The following PRKN variants were observed in gnomAD, a reference collection of about 807,000 sequenced individuals.
PRKN encodes the protein E3 ubiquitin-protein ligase parkin.
A neutral mutation model predicts 59.5 loss-of-function variants in PRKN; 56 were observed. The ratio of observed to expected loss-of-function variants is 0.94; its 90% confidence interval spans 0.76 to 1.18. The LOEUF is 1.18. Ranked by LOEUF, PRKN falls within the 50% of genes most tolerant of loss-of-function variation. The probability of loss-of-function intolerance (pLI) is 0.00; values close to 1 mark genes in which losing one functional copy is unlikely to be tolerated. For synonymous variants in PRKN, 250 were observed against 222.1 expected (o/e 1.13, Z -1.12); for missense variants, 657 against 596.4 (o/e 1.10, Z -1.06).
At position 161,423,724 on chromosome 6, in the gene PRKN, C is replaced by T. The variant is rs1788206961; in HGVS notation, c.1084-36847G>A. On this transcript the variant is annotated intron_variant, in intron 9 of 11. Coordinates refer to ENST00000366898, the MANE Select transcript of PRKN (RefSeq NM_004562.3). The surrounding 1 kb of genome is among the most constrained non-coding windows in gnomAD (Gnocchi z 5.9). ...TGTCCCACCAGTCCCTTCCACTGCT[C>T]TTGTTCCTGGTCTCATAGGCTACAC... 6.6e-6 allele frequency among the ~76,000 whole-genome samples: 1 copy of T among 152,170 alleles called. No individual in the cohort carries two copies. Among genetic ancestry groups the T allele is most frequent in the South Asian group, 2.1e-4 (1 of 4,832 alleles).
intron 6 of PRKN, among the ~76,000 whole-genome samples, chr6:161,876,896 A>T (rs1794751591): frequency 6.6e-6 from 1 of 152,120 alleles, no homozygotes; most frequent in Admixed American, 6.5e-5. Flanking sequence ...TTCATATTCA[A>T]TTCAAAATGT....
chr6:161,349,072 G>C lies in PRKN; in HGVS notation c.*1027C>G. The C allele has an allele frequency of 4.5e-6, 1 of 220,662 alleles. No individual in the cohort carries two copies. The allele number at this position is 220,662 out of a possible 1,614,324, so 13.7% of individuals were successfully genotyped here. On this transcript the variant is annotated 3_prime_UTR_variant, in exon 12 of 12. Coordinates refer to ENST00000366898, the MANE Select transcript of PRKN (RefSeq NM_004562.3). This position sits in a 1 kb window ranked among gnomAD's most constrained non-coding sequence, Gnocchi z 5.5. ...AAGGGGTATAAACCCTTCTGATGGA[G>C]AGAGTCGGGCGTGTCTTCATTTTGG... is the stretch of plus-strand genomic sequence containing the variant.
chr6:162,691,906 CT>C (rs1777788072), intron 1 of PRKN, among the ~76,000 whole-genome samples: 1 of 151,968 alleles, frequency 6.6e-6, no homozygotes, highest in South Asian at 2.1e-4. Context: ...TTCAATGTTA[CT>C]CTTGTTAGAT....
intron 7 of PRKN, among the ~76,000 whole-genome samples, chr6:161,594,568 G>A (rs1781846126): frequency 6.6e-6 from 1 of 152,156 alleles, no homozygotes; most frequent in Non-Finnish European, 1.5e-5. Context: ...CAGTCAAACT[G>A]TCTGCTTTAG....
intron 7 of PRKN, among the ~76,000 whole-genome samples, chr6:161,638,488 C>G (rs1783612581): frequency 6.6e-6 from 1 of 152,060 alleles, no homozygotes; most frequent in South Asian, 2.1e-4. Context: ...ATTATTTATC[C>G]CTGATTTACA....
intron 3 of PRKN, among the ~76,000 whole-genome samples, chr6:162,249,642 A>T (rs1005983548): frequency 6.6e-6 from 1 of 152,110 alleles, no homozygotes; most frequent in Non-Finnish European, 1.5e-5. Flanking sequence ...GGCTTTTAAA[A>T]GTCAAATCTA....
At chr6:161,967,038 G>A (rs924867023) in intron 6 of PRKN, among the ~76,000 whole-genome samples, 3 of 152,088 alleles carry the variant, frequency 2.0e-5, no homozygotes, top group Non-Finnish European at 2.9e-5. Context: ...CACTATGTTG[G>A]CCAGGCTGGT....
At chr6:161,971,778 A>T (rs976511981) in intron 6 of PRKN, among the ~76,000 whole-genome samples, 2 of 152,224 alleles carry the variant, frequency 1.3e-5, no homozygotes, top group African/African-American at 4.8e-5. Context: ...GAGAATAGAA[A>T]TAGCCTGATA....
chr6:161,582,168 C>T lies in PRKN; in HGVS notation c.872-12752G>A, dbSNP rs1781363046. 6.6e-6 allele frequency among the ~76,000 whole-genome samples: 1 copy of T among 152,152 alleles called. No homozygotes were observed. On this transcript the variant is annotated intron_variant, in intron 7 of 11. Coordinates refer to ENST00000366898, the MANE Select transcript of PRKN (RefSeq NM_004562.3). This position sits in a 1 kb window ranked among gnomAD's most constrained non-coding sequence, Gnocchi z 4.4. ...TGGCTCTCTGGCTCACAGAAAGTAA[C>T]AGTTTTAAAGGAGATATTTTAAAAG...
At chr6:162,651,681 A>G (rs1462699927) in intron 1 of PRKN, among the ~76,000 whole-genome samples, 5 of 152,226 alleles carry the variant, frequency 3.3e-5, no homozygotes, top group Non-Finnish European at 5.9e-5. Context: ...GCCCATGGGA[A>G]GAAGGAAAAA....
chr6:161,379,895 C>T lies in PRKN; in HGVS notation c.1167+6899G>A, dbSNP rs1785892549. Among the ~76,000 whole-genome samples, 2 of 152,208 alleles carry T rather than the reference C, an allele frequency of 1.3e-5. No individual in the cohort carries two copies. Among genetic ancestry groups the T allele is most frequent in the Admixed American group, 1.3e-4 (2 of 15,274 alleles). ...TGGAAAACATGTACTATTACAATTC[C>T]CTACTAAGTGTTTTTCATATTACAG... On this transcript the variant is annotated intron_variant, in intron 10 of 11. Transcript: ENST00000366898. This position sits in a 1 kb window ranked among gnomAD's most constrained non-coding sequence, Gnocchi z 4.9.
chr6:162,179,226 T>C (rs1373213113), intron 4 of PRKN, among the ~76,000 whole-genome samples: 1 of 152,208 alleles, frequency 6.6e-6, no homozygotes, highest in Non-Finnish European at 1.5e-5. Context: ...TGCAGCTCTG[T>C]GGATACCACA....
At chr6:161,424,425 C>G (rs1279244561) in intron 9 of PRKN, among the ~76,000 whole-genome samples, 1 of 151,790 alleles carries the variant, frequency 6.6e-6, no homozygotes, top group Non-Finnish European at 1.5e-5. Context: ...TGGTTCATGG[C>G]TCCACAGAAG....
chr6:161,673,629 A>G (rs1397571999), intron 7 of PRKN, among the ~76,000 whole-genome samples: 1 of 152,108 alleles, frequency 6.6e-6, no homozygotes, highest in Admixed American at 6.6e-5. Context: ...CTGTTTGGAG[A>G]CCAGGCTGGA....
chr6:161,780,947 T>A (rs571334041), intron 7 of PRKN, among the ~76,000 whole-genome samples: 1 of 152,336 alleles, frequency 6.6e-6, no homozygotes, highest in African/African-American at 2.4e-5. Context: ...TTAAAAAGGC[T>A]GAAATAACAC....
In PRKN at chr6:161,723,119, T is replaced by C. The variant is rs1787294399; in HGVS notation, c.871+62653A>G. Among the ~76,000 whole-genome samples the C allele has an allele frequency of 2.0e-5, 3 of 152,136 alleles. No individual in the cohort carries two copies. The South Asian group carries it at 6.2e-4, about 32-fold the overall frequency. On this transcript the variant is annotated intron_variant, in intron 7 of 11. Coordinates refer to ENST00000366898, the MANE Select transcript of PRKN (RefSeq NM_004562.3). ...CCCCATCTCTACTAAAATACAAAAA[T>C]TAGCTGAGTGTGGAGGTGAGTGCCT... is the stretch of plus-strand genomic sequence containing the variant.
At chr6:161,677,975 T>C (rs775216447) in intron 7 of PRKN, among the ~76,000 whole-genome samples, 2 of 152,166 alleles carry the variant, frequency 1.3e-5, no homozygotes, top group Non-Finnish European at 2.9e-5. Flanking sequence ...TCCAGGAGTG[T>C]TGGCTATTTT....
chr6:162,555,455 A>G (rs9356047), intron 1 of PRKN, among the ~76,000 whole-genome samples: 45,207 of 151,928 alleles, frequency 0.3, 7,138 homozygotes, highest in East Asian at 0.49. Context: ...GTAAAGAAAA[A>G]CTTAAAACAT....
chr6:162,389,160 A>C (rs1787032491), intron 2 of PRKN, among the ~76,000 whole-genome samples: 1 of 152,072 alleles, frequency 6.6e-6, no homozygotes, highest in Admixed American at 6.6e-5. Context: ...TGTGTTCTCC[A>C]AATGCCTCCT....
Sources: allele counts gnomAD v4.1 joint callset (sites outside exome capture counted in the v4.1 genomes callset), GRCh38; gene constraint gnomAD v4.1.1; non-coding constraint Gnocchi (gnomAD v3.1); transcripts MANE v1.5; gene names NCBI Gene and HGNC (gene_info 2026-07-23, HGNC 2026-07-21).